Variants in REV3L observed in about 807,000 individuals in gnomAD.
The protein encoded by REV3L is DNA polymerase zeta catalytic subunit.
A neutral mutation model predicts 299.4 loss-of-function variants in REV3L; 69 were observed. The ratio of observed to expected loss-of-function variants is 0.23; its 90% CI spans 0.19 to 0.28. REV3L has a LOEUF of 0.28. REV3L is among the 10% of genes least tolerant of loss of function. REV3L has a pLI of 1.00. For missense variants in REV3L, 3,128 were observed against 3,693.8 expected (o/e 0.85, Z 3.97); for synonymous variants, 1,238 against 1,271.4 (o/e 0.97, Z 0.56).
At chr6:111,354,466 A>G (rs1021711387) in intron 18 of REV3L, among the ~76,000 whole-genome samples, 1 of 152,140 alleles carries the variant, frequency 6.6e-6, no homozygotes, top group Admixed American at 6.5e-5. Flanking sequence ...TATTTCACAG[A>G]TTTTGTCCCT....
chr6:111,343,054 A>G (rs368133765), intron 21 of REV3L, among the ~76,000 whole-genome samples: 9 of 152,192 alleles, frequency 5.9e-5, no homozygotes, highest in Non-Finnish European at 1.5e-5. Context: ...TTAACACACA[A>G]CAGCCATATG....
chr6:111,325,214 G>A (rs745452360), intron 25 of REV3L, among the ~76,000 whole-genome samples: 6 of 152,090 alleles, frequency 3.9e-5, no homozygotes, highest in Non-Finnish European at 8.8e-5. Flanking sequence ...TCCCTGAAAA[G>A]ACATAAAAAG....
rs1335870521 is a variant in REV3L at position 111,329,541 on chromosome 6, T to G, written c.8232A>C (p.Pro2744=). ...YTSANFSGRM[P]CIEVGDSIVH... ...GATTTGTATCACTTACCTCAATGCATGGCATTCTCCCAGAAAAATTAGCAG... is the reference window on the plus strand; with the variant it reads ...GATTTGTATCACTTACCTCAATGCAGGGCATTCTCCCAGAAAAATTAGCAG... The change falls in exon 25 of 32, where the codon CCA becomes CCC. Residue 2744 remains proline (P), a synonymous_variant. Coordinates refer to ENST00000368802, the MANE Select transcript of REV3L (RefSeq NM_001372078.1). The G allele has an allele frequency of 6.2e-7, 1 of 1,614,056 alleles. No homozygotes were observed. The highest frequency in any genetic ancestry group is 8.5e-7 in the Non-Finnish European group (1 of 1,179,964).
rs1326777759 is a variant in REV3L, at chr6:111,374,188, T to C, written c.4167A>G (p.Ile1389Met). Reference protein sequence around the residue: ...SSKIEDNANNIQRNYLSSIGK... With the variant: ...SSKIEDNANNMQRNYLSSIGK... ...CGATTGATGACAAATAGTTTCTTTG[T>C]ATATTATTTGCATTATCTTCTATCT... Residue 1389 changes from isoleucine to methionine, a missense_variant, in exon 13 of 32, where the codon ATA (isoleucine) becomes ATG (methionine). Ile to Met is a conservative substitution (Grantham distance 10, BLOSUM62 1). Transcript: ENST00000368802. 1.2e-6 allele frequency: 2 copies of C among 1,614,076 alleles called. No individual in the cohort carries two copies. The highest frequency in any genetic ancestry group is 1.7e-6 in the Non-Finnish European group (2 of 1,179,932).
intron 17 of REV3L, among the ~76,000 whole-genome samples, chr6:111,357,520 G>A (rs1211983017): frequency 6.6e-6 from 1 of 152,004 alleles, no homozygotes; most frequent in Admixed American, 6.6e-5. Flanking sequence ...GTGAAACCCC[G>A]TCTCTACTAA....
intron 31 of REV3L, among the ~76,000 whole-genome samples, chr6:111,303,701 C>CTTTTTTTTTTTTTTTTTTTT (rs58366929): frequency 1.6e-4 from 2 of 12,642 alleles, no homozygotes; most frequent in Admixed American, 1.6e-3. Flanking sequence ...CAGACTATGA[C>CTTTTTTTTTTTTTTTTTTTT]TTTTTTTTTT....
Position 111,375,307 on chromosome 6 carries a change from C to T in REV3L, c.3048G>A (p.Lys1016=). The T allele has an allele frequency of 6.3e-7, 1 of 1,584,580 alleles. No individual in the cohort carries two copies. Among genetic ancestry groups the T allele is most frequent in the Non-Finnish European group, 8.5e-7 (1 of 1,173,040 alleles). ...LTEEKMELYK[K]LAPLKDFWPK... is the part of the protein sequence containing the mutation. ...GCCAAAAGTCCTTCAAAGGTGCAAG[C>T]TTTTTATATAGTTCCATTTTTTCTT... Residue 1016 remains lysine (K), a synonymous_variant, in exon 13 of 32, where the codon AAG becomes AAA. Transcript: ENST00000368802.
rs1779997714 is a variant in REV3L, at chr6:111,373,480, T to C, written c.4875A>G (p.Ser1625=). The C allele has an allele frequency of 1.2e-6, 2 of 1,611,968 alleles. No homozygotes were observed. The highest frequency in any genetic ancestry group is 1.7e-6 in the Non-Finnish European group (2 of 1,179,492). ...AGTAACAACTTTCAAAGCCTGGATC[T>C]GAAAAAAAGATGGGACTATCATCTG... ...SVSDDSPIFF[S]DPGFESCYSL... is the part of the protein sequence containing the mutation. Residue 1625 remains serine, a synonymous_variant, in exon 13 of 32, where the codon TCA becomes TCG. Transcript: ENST00000368802.
Position 111,406,265 on chromosome 6 carries a change from CT to C in REV3L, c.405-636del, listed in dbSNP as rs1291126154. Among the ~76,000 whole-genome samples the C allele has an allele frequency of 2.0e-5, 3 of 152,110 alleles. No individual in the cohort carries two copies. The East Asian group carries it at 5.8e-4, about 29-fold the overall frequency. On this transcript the variant is annotated intron_variant, in intron 3 of 31. Coordinates refer to ENST00000368802, the MANE Select transcript of REV3L (RefSeq NM_001372078.1). ...GGGAAGAGTATTCACGTAAATAAAA[CT>C]GCACATGTAAAGGGTCACGAGAAAA...
At chr6:111,464,125 A>C (rs1221843247) in intron 1 of REV3L, among the ~76,000 whole-genome samples, 1 of 152,178 alleles carries the variant, frequency 6.6e-6, no homozygotes, top group Non-Finnish European at 1.5e-5. Context: ...TTTAAAAAAA[A>C]AAACTGTTTC....
At chr6:111,436,936 T>A (rs1787621849) in intron 1 of REV3L, among the ~76,000 whole-genome samples, 1 of 152,110 alleles carries the variant, frequency 6.6e-6, no homozygotes, top group Non-Finnish European at 1.5e-5. Flanking sequence ...ATACTAAATA[T>A]TATAAATGGG....
chr6:111,335,340 G>T, intron 22 of REV3L, 129 bp downstream of exon 22: 1 of 1,051,934 alleles, frequency 9.5e-7, no homozygotes, highest in Non-Finnish European at 1.3e-6. Flanking sequence ...AAAATGACAA[G>T]ATTTAATTAC....
chr6:111,395,629 A>G (rs1380479290), intron 4 of REV3L, among the ~76,000 whole-genome samples: 1 of 152,118 alleles, frequency 6.6e-6, no homozygotes. Flanking sequence ...TGCCATATAT[A>G]TCATGTCACC....
chr6:111,335,507 C>T lies in REV3L; in HGVS notation c.7642G>A (p.Gly2548Ser). The change falls in exon 22 of 32, where the codon GGC becomes AGC. Residue 2548 changes from glycine (G) to serine (S), a missense_variant. This residue lies in a region of REV3L where 149 missense variants were observed against 286.4 expected (regional missense o/e 0.52). Transcript: ENST00000368802. ...GKTSEMARLF[G>S]IQFLHVLTRG... ...GTCAGTACATGTAAAAACTGAATGC[C>T]AAAAAGTCTAGCCATCTCACTGGTT... 6.2e-7 allele frequency: 1 copy of T among 1,613,260 alleles called. No homozygotes were observed.
chr6:111,446,412 C>CA (rs1243201452), intron 1 of REV3L, among the ~76,000 whole-genome samples: 1 of 152,034 alleles, frequency 6.6e-6, no homozygotes, highest in African/African-American at 2.4e-5. Context: ...TAAAAACTCC[C>CA]AAATCAGCTG....
At chr6:111,343,599 G>A (rs1268936804) in intron 21 of REV3L, among the ~76,000 whole-genome samples, 3 of 152,014 alleles carry the variant, frequency 2.0e-5, no homozygotes, top group South Asian at 2.1e-4. Flanking sequence ...GCACGATCTC[G>A]GCTCACTGCA....
intron 26 of REV3L, among the ~76,000 whole-genome samples, chr6:111,318,828 A>G (rs985127723): frequency 6.6e-6 from 1 of 151,962 alleles, no homozygotes; most frequent in African/African-American, 2.4e-5. Flanking sequence ...AAGTGCTGGG[A>G]TTACAGGCAT....
intron 22 of REV3L, 100 bp from the exon 23 acceptor site, chr6:111,333,467 G>T: frequency 7.2e-7 from 1 of 1,382,414 alleles, no homozygotes; most frequent in Non-Finnish European, 9.7e-7. Context: ...TTCAGAATAA[G>T]ATTGTATGAC....
chr6:111,389,914 A>G (rs1199785851), intron 6 of REV3L, among the ~76,000 whole-genome samples, 172 bp downstream of exon 6: 2 of 151,378 alleles, frequency 1.3e-5, no homozygotes, highest in Non-Finnish European at 2.9e-5. Flanking sequence ...TTTATTTTGT[A>G]TTTTAGTAGA....
Sources: allele counts gnomAD v4.1 joint callset (sites outside exome capture counted in the v4.1 genomes callset), GRCh38; gene constraint gnomAD v4.1.1; regional missense constraint gnomAD v4.1.1; transcripts MANE v1.5; gene names NCBI Gene and HGNC (gene_info 2026-07-23, HGNC 2026-07-21).